The following CMSS1 variants were observed in gnomAD, a reference collection of about 807,000 sequenced individuals.
The protein encoded by CMSS1 is protein CMSS1.
CMSS1 carries 33 observed loss-of-function variants against 43.5 expected under a neutral mutation model. That is an observed-to-expected ratio of 0.76 (90% CI 0.57 to 1.01). The LOEUF (loss-of-function observed/expected upper bound fraction) is 1.01, where lower values mean the gene tolerates loss of function less well. Among genes scored for constraint, CMSS1 ranks in the 50% least tolerant of loss-of-function variants. CMSS1 has a pLI of 0.00. For missense variants in CMSS1, 313 were observed against 326.4 expected (o/e 0.96, Z 0.32); for synonymous variants, 115 against 117.2 (o/e 0.98, Z 0.12).
chr3:100,176,785 G>A (rs1350113355), intron 9 of CMSS1, among the ~76,000 whole-genome samples: 1 of 152,106 alleles, frequency 6.6e-6, no homozygotes, highest in Non-Finnish European at 1.5e-5. Context: ...CTCGGGTTAG[G>A]GGAGCAGGGG....
intron 1 of CMSS1, among the ~76,000 whole-genome samples, chr3:99,973,886 A>T (rs1708894113): frequency 6.6e-6 from 1 of 152,134 alleles, no homozygotes; most frequent in Middle Eastern, 3.2e-3. Flanking sequence ...GGTGTTCTTG[A>T]TAGACAATAT....
intron 1 of CMSS1, among the ~76,000 whole-genome samples, chr3:100,102,404 T>C (rs1334457869): frequency 6.6e-6 from 1 of 152,190 alleles, no homozygotes; most frequent in African/African-American, 2.4e-5. Context: ...AATGGGATAA[T>C]AAGGAAAGAG....
At chr3:99,911,244 G>T (rs1266447426) in intron 1 of CMSS1, among the ~76,000 whole-genome samples, 2 of 151,472 alleles carry the variant, frequency 1.3e-5, no homozygotes, top group African/African-American at 4.8e-5. Flanking sequence ...TACAATAATG[G>T]ATAATGTGAA....
At chr3:99,822,861 A>G (rs1942465500) in intron 1 of CMSS1, among the ~76,000 whole-genome samples, 1 of 152,228 alleles carries the variant, frequency 6.6e-6, no homozygotes, top group African/African-American at 2.4e-5. Context: ...CAAGTACACC[A>G]GCGGTAGTTA....
chr3:99,882,448 CTG>C (rs1354106721), intron 1 of CMSS1, among the ~76,000 whole-genome samples: 2 of 152,096 alleles, frequency 1.3e-5, no homozygotes, highest in Admixed American at 6.6e-5. Context: ...AATGTATTCA[CTG>C]AGAAAAATGA....
chr3:99,969,103 A>AG (rs955243745), intron 1 of CMSS1, among the ~76,000 whole-genome samples: 3 of 152,162 alleles, frequency 2.0e-5, no homozygotes, highest in Non-Finnish European at 4.4e-5. Flanking sequence ...AGTGCTGAAA[A>AG]GGGGGGCCAT....
chr3:100,117,825 G>GTA (rs1166983737), intron 1 of CMSS1, among the ~76,000 whole-genome samples: 6,118 of 74,742 alleles, frequency 0.082, 407 homozygotes, highest in African/African-American at 0.18. Context: ...ATAAACTGCA[G>GTA]TATATATATA....
chr3:99,930,176 A>G, intron 1 of CMSS1: 1 of 672,924 alleles, frequency 1.5e-6, no homozygotes, highest in Non-Finnish European at 2.5e-6. Flanking sequence ...AAAAGGTAAC[A>G]AAACTATATC....
At chr3:99,848,072 T>TGTAAATGAAAAGATATACAGTAA (rs1260307437) in intron 1 of CMSS1, 6 of 1,318,480 alleles carry the variant, frequency 4.6e-6, no homozygotes, top group Non-Finnish European at 5.8e-6. Context: ...CATACAAGTA[T>TGTAAATGAAAAGATATACAGTAA]GTAAATGAAA....
At chr3:100,111,983 C>A (rs1258330964) in intron 1 of CMSS1, among the ~76,000 whole-genome samples, 1 of 152,160 alleles carries the variant, frequency 6.6e-6, no homozygotes, top group Non-Finnish European at 1.5e-5. Context: ...CATCTGGAGA[C>A]CATGTTTGCC....
chr3:99,850,447 C>G lies in CMSS1; in HGVS notation c.64+32404C>G, dbSNP rs752265612. ...TTCAACCTCTAGTTTAAAGTCTTTA[C>G]TCTGTAACGTCTCCCTTTCAAGCCT... On this transcript the variant is annotated intron_variant, in intron 1 of 9. Coordinates refer to ENST00000421999, the MANE Select transcript of CMSS1 (RefSeq NM_032359.4). 2.5e-6 allele frequency: 4 copies of G among 1,614,024 alleles called. No homozygotes were observed. In the South Asian group the frequency reaches 4.4e-5, roughly 18 times the overall value.
At chr3:100,129,050 T>G (rs1225197857) in intron 1 of CMSS1, among the ~76,000 whole-genome samples, 1 of 152,212 alleles carries the variant, frequency 6.6e-6, no homozygotes, top group Admixed American at 6.5e-5. Context: ...ACAGACAGTA[T>G]CATGAGATAA....
At chr3:99,932,207 C>T (rs139048546) in intron 1 of CMSS1, among the ~76,000 whole-genome samples, 81 of 152,224 alleles carry the variant, frequency 5.3e-4, no homozygotes, top group African/African-American at 1.9e-3. Context: ...GAAGTAACCA[C>T]GTAATCTTGA....
intron 1 of CMSS1, among the ~76,000 whole-genome samples, chr3:100,006,816 A>G (rs1710001944): frequency 6.6e-6 from 1 of 152,250 alleles, no homozygotes; most frequent in Non-Finnish European, 1.5e-5. Flanking sequence ...GTAAACAAGC[A>G]TTCTTGATGG....
At chr3:100,129,662 T>TC (rs888220687) in intron 1 of CMSS1, among the ~76,000 whole-genome samples, 4 of 152,134 alleles carry the variant, frequency 2.6e-5, no homozygotes, top group African/African-American at 9.7e-5. Flanking sequence ...CCTAAAATTC[T>TC]CCCCCAGAGT....
chr3:99,873,908 A>G (rs1705371412), intron 1 of CMSS1, among the ~76,000 whole-genome samples: 1 of 152,210 alleles, frequency 6.6e-6, no homozygotes, highest in Non-Finnish European at 1.5e-5. Flanking sequence ...TAAAATTATT[A>G]TGTGCTTTAT....
At position 100,009,337 on chromosome 3, in the gene CMSS1, A is replaced by G. The variant is rs1203074473; in HGVS notation, c.65-137636A>G. 2.0e-5 allele frequency among the ~76,000 whole-genome samples: 3 copies of G among 152,158 alleles called. No individual in the cohort carries two copies. The East Asian group carries it at 5.8e-4, about 29-fold the overall frequency. On this transcript the variant is annotated intron_variant, in intron 1 of 9. Transcript: ENST00000421999. ...AATTTCCCCATAATTTCACTGAGGG[A>G]GTTAGAGTTCGCAGTAGTGGTAATA...
chr3:100,019,625 A>T (rs1409720232), intron 1 of CMSS1, among the ~76,000 whole-genome samples: 1 of 152,170 alleles, frequency 6.6e-6, no homozygotes, highest in Non-Finnish European at 1.5e-5. Context: ...TTATTTCTAG[A>T]TATCTTGACT....
At chr3:100,173,287 C>T (rs1194014045) in intron 8 of CMSS1, among the ~76,000 whole-genome samples, 3 of 152,330 alleles carry the variant, frequency 2.0e-5, no homozygotes, top group African/African-American at 7.2e-5. Flanking sequence ...GGAAGGGAAA[C>T]AACACTTTCG....
Sources: allele counts gnomAD v4.1 joint callset (sites outside exome capture counted in the v4.1 genomes callset), GRCh38; gene constraint gnomAD v4.1.1; transcripts MANE v1.5; gene names NCBI Gene and HGNC (gene_info 2026-07-23, HGNC 2026-07-21).